Variants in NKAIN2 observed in about 807,000 individuals in gnomAD.
NKAIN2 encodes the protein sodium/potassium-transporting ATPase subunit beta-1-interacting protein 2.
In NKAIN2, 14 loss-of-function variants were observed where a neutral mutation model predicts 32.6. That is an observed-to-expected ratio of 0.43 (90% CI 0.28 to 0.67). The LOEUF is 0.67. NKAIN2 is among the 30% of genes least tolerant of loss of function. The pLI is 0.17. For synonymous variants in NKAIN2, 80 were observed against 87.2 expected (o/e 0.92, Z 0.46); for missense variants, 198 against 258.3 (o/e 0.77, Z 1.60).
chr6:123,841,961 A>G lies in NKAIN2; in HGVS notation c.54+37707A>G, dbSNP rs138260773. On this transcript the variant is annotated intron_variant, in intron 1 of 6. Transcript: ENST00000368417. ...CATTGAGAGCTCCATTTTATGCACT[A>G]CTAAACTGTTGGATACTGTTAGTAG... 3.3e-3 allele frequency among the ~76,000 whole-genome samples: 508 copies of G among 152,306 alleles called. 2 individuals carry two copies. Among genetic ancestry groups the G allele is most frequent in the Non-Finnish European group, 5.8e-3 (392 of 68,028 alleles).
chr6:124,818,142 C>G (rs556797492), intron 5 of NKAIN2, among the ~76,000 whole-genome samples: 2 of 151,886 alleles, frequency 1.3e-5, no homozygotes, highest in Non-Finnish European at 2.9e-5. Flanking sequence ...ATTTTTTCTA[C>G]CAAGTGAATA....
At chr6:123,902,431 GT>G (rs1253087949) in intron 1 of NKAIN2, among the ~76,000 whole-genome samples, 2 of 152,136 alleles carry the variant, frequency 1.3e-5, no homozygotes, top group Non-Finnish European at 2.9e-5. Flanking sequence ...CTAGTGTGAT[GT>G]TGGTGGTACA....
chr6:124,188,267 C>G (rs1438322373), intron 1 of NKAIN2, among the ~76,000 whole-genome samples: 1 of 152,142 alleles, frequency 6.6e-6, no homozygotes, highest in African/African-American at 2.4e-5. Flanking sequence ...ATTGGCTCAT[C>G]TGATTATGGG....
rs1012040138 is a variant in NKAIN2, at chr6:124,784,660, G to A, written c.475-6679G>A. 1.4e-4 allele frequency among the ~76,000 whole-genome samples: 21 copies of A among 152,008 alleles called. 1 individual carries two copies. The highest frequency in any genetic ancestry group is 1.2e-3 in the Admixed American group (19 of 15,264). ...GACGCTGGGGTTGCGCCCACTTTGG[G>A]GCGTTATGAATAGTGATGTTATACA... On this transcript the variant is annotated intron_variant, in intron 4 of 6. Transcript: ENST00000368417.
At chr6:124,373,317 G>T (rs3945903) in intron 3 of NKAIN2, among the ~76,000 whole-genome samples, 72 of 152,170 alleles carry the variant, frequency 4.7e-4, no homozygotes, top group African/African-American at 1.7e-3. Flanking sequence ...GTTGACATGA[G>T]AAAGACAGGG....
At chr6:124,257,483 A>G (rs1029160767) in intron 1 of NKAIN2, among the ~76,000 whole-genome samples, 1 of 152,188 alleles carries the variant, frequency 6.6e-6, no homozygotes, top group Non-Finnish European at 1.5e-5. Context: ...AGTATACCAT[A>G]TTTGAGACTT....
intron 3 of NKAIN2, among the ~76,000 whole-genome samples, chr6:124,365,582 A>G (rs1454143290): frequency 6.6e-6 from 1 of 151,974 alleles, no homozygotes; most frequent in Non-Finnish European, 1.5e-5. Flanking sequence ...CATATCCACA[A>G]TCACAGTGGG....
intron 1 of NKAIN2, among the ~76,000 whole-genome samples, chr6:123,959,666 A>T (rs1777752387): frequency 6.6e-6 from 1 of 152,094 alleles, no homozygotes; most frequent in South Asian, 2.1e-4. Flanking sequence ...ATATTAATTG[A>T]ACTCTATGAA....
At chr6:124,462,412 T>C (rs1776567966) in intron 3 of NKAIN2, among the ~76,000 whole-genome samples, 1 of 151,980 alleles carries the variant, frequency 6.6e-6, no homozygotes, top group Non-Finnish European at 1.5e-5. Context: ...AGCCTATGCA[T>C]ATTTGAGAAT....
At chr6:124,444,532 C>A (rs1450028529) in intron 3 of NKAIN2, among the ~76,000 whole-genome samples, 1 of 151,912 alleles carries the variant, frequency 6.6e-6, no homozygotes, top group Non-Finnish European at 1.5e-5. Flanking sequence ...ATAGGAGTAA[C>A]CGTATTATAT....
intron 1 of NKAIN2, among the ~76,000 whole-genome samples, chr6:123,917,944 G>A (rs1385012427): frequency 6.6e-6 from 1 of 152,016 alleles, no homozygotes; most frequent in East Asian, 1.9e-4. Context: ...TGTAAGCTGG[G>A]AGTTAAACAT....
intron 1 of NKAIN2, among the ~76,000 whole-genome samples, chr6:124,268,830 TC>T (rs1269714501): frequency 6.6e-6 from 1 of 152,072 alleles, no homozygotes; most frequent in African/African-American, 2.4e-5. Flanking sequence ...TCTAGACAAA[TC>T]ATCTTTACCA....
intron 2 of NKAIN2, among the ~76,000 whole-genome samples, chr6:124,343,901 T>G (rs1415726612): frequency 1.5e-5 from 2 of 136,088 alleles, no homozygotes; most frequent in Non-Finnish European, 3.3e-5. Flanking sequence ...CATGAAGTCG[T>G]TGCACATGCC....
At chr6:124,675,698 C>A (rs1410942674) in intron 4 of NKAIN2, among the ~76,000 whole-genome samples, 1 of 151,850 alleles carries the variant, frequency 6.6e-6, no homozygotes, top group Non-Finnish European at 1.5e-5. Flanking sequence ...CATAATGTCT[C>A]CATTTTCGTT....
intron 1 of NKAIN2, among the ~76,000 whole-genome samples, chr6:124,225,612 A>G (rs1414179318): frequency 6.6e-6 from 1 of 152,058 alleles, no homozygotes; most frequent in Non-Finnish European, 1.5e-5. Flanking sequence ...ATCAAGAGTC[A>G]TAATATTGTG....
chr6:124,044,010 T>G (rs1340933512), intron 1 of NKAIN2, among the ~76,000 whole-genome samples: 1 of 152,022 alleles, frequency 6.6e-6, no homozygotes, highest in African/African-American at 2.4e-5. Flanking sequence ...CCTAAAACAT[T>G]GACTTAGGCG....
At chr6:123,811,339 A>T (rs1773455005) in intron 1 of NKAIN2, among the ~76,000 whole-genome samples, 1 of 144,136 alleles carries the variant, frequency 6.9e-6, no homozygotes, top group Admixed American at 6.9e-5. Flanking sequence ...TGGTAATGCT[A>T]GAACAGAATT....
chr6:124,440,023 G>A (rs534287095), intron 3 of NKAIN2, among the ~76,000 whole-genome samples: 1 of 152,142 alleles, frequency 6.6e-6, no homozygotes, highest in South Asian at 2.1e-4. Flanking sequence ...ATTCTACAAA[G>A]GACTCAGGCT....
intron 3 of NKAIN2, among the ~76,000 whole-genome samples, chr6:124,449,190 A>T (rs1776005899): frequency 6.6e-6 from 1 of 152,122 alleles, no homozygotes; most frequent in Non-Finnish European, 1.5e-5. Flanking sequence ...TTTAATGGTA[A>T]TCTGTATATA....
Sources: allele counts gnomAD v4.1 joint callset (sites outside exome capture counted in the v4.1 genomes callset), GRCh38; gene constraint gnomAD v4.1.1; transcripts MANE v1.5; gene names NCBI Gene and HGNC (gene_info 2026-07-23, HGNC 2026-07-21).